PRDM2: variants seen among roughly 807,000 people sequenced by gnomAD.
The protein encoded by PRDM2 is PR/SET domain 2.
A neutral mutation model predicts 130.0 loss-of-function variants in PRDM2; 30 were observed. That is an observed-to-expected ratio of 0.23 (90% CI 0.17 to 0.31). PRDM2 has a LOEUF of 0.31. Among genes scored for constraint, PRDM2 ranks in the 10% least tolerant of loss-of-function variants. PRDM2 has a pLI of 1.00. For synonymous variants in PRDM2, 871 were observed against 782.4 expected (o/e 1.11, Z -1.89); for missense variants, 2,011 against 2,108.4 (o/e 0.95, Z 0.90).
chr1:13,704,146 G>A (rs768387269), intron 1 of PRDM2, among the ~76,000 whole-genome samples: 8 of 152,228 alleles, frequency 5.3e-5, no homozygotes, highest in Non-Finnish European at 1.2e-4. Context: ...AACGTGAAAA[G>A]AGATGTGCTT....
intron 2 of PRDM2, chr1:13,722,707 C>T: frequency 2.7e-6 from 1 of 375,532 alleles, no homozygotes; most frequent in Non-Finnish European, 5.3e-6. Flanking sequence ...CATTCCCATT[C>T]TGTATTAGAA....
intron 8 of PRDM2, among the ~76,000 whole-genome samples, chr1:13,804,959 C>G (rs1645065478): frequency 6.6e-6 from 1 of 152,166 alleles, no homozygotes; most frequent in Non-Finnish European, 1.5e-5. Flanking sequence ...GGGACTGTGT[C>G]AGGGAGTGGG....
chr1:13,819,129 C>A (rs979987321), intron 9 of PRDM2, among the ~76,000 whole-genome samples: 3 of 152,214 alleles, frequency 2.0e-5, no homozygotes, highest in Non-Finnish European at 2.9e-5. Flanking sequence ...GCACCCGGGA[C>A]TTGCTTCCAC....
intron 8 of PRDM2, among the ~76,000 whole-genome samples, chr1:13,790,989 CA>C (rs1644829665): frequency 6.6e-6 from 1 of 152,104 alleles, no homozygotes; most frequent in Admixed American, 6.5e-5. Context: ...AGGTTGGTGT[CA>C]TTTACCGATG....
Position 13,782,282 on chromosome 1 carries a change from A to G in PRDM2, c.4487A>G (p.Lys1496Arg), listed in dbSNP as rs767705434. The G allele has an allele frequency of 9.0e-5, 145 of 1,613,970 alleles. No homozygotes were observed. The highest frequency in any genetic ancestry group is 1.2e-4 in the Admixed American group (7 of 59,984). Residue 1496 changes from lysine to arginine, a missense_variant, in exon 8 of 10, where the codon AAA becomes AGA. By Grantham distance (26) the Lys-to-Arg change is conservative. This residue lies in a region of PRDM2 where 410 missense variants were observed against 395.9 expected (regional missense o/e 1.04). Coordinates refer to ENST00000311066, the MANE Select transcript of PRDM2 (RefSeq NM_001393986.1). ...AAAAAAGTTTCTCATTCATCTAAGA[A>G]AGGTGGACACTCATCACCTGCAAGT... ...PKKKVSHSSK[K>R]GGHSSPASSD...
At position 13,757,390 on chromosome 1, in the gene PRDM2, A is replaced by G. The variant is rs79348578; in HGVS notation, c.511+7903A>G. Reference sequence around the variant, plus strand: ...AGTTTTGAAACCAAAAGAGCACAGTAAGACATTGCTTTTGCCTAACTCCCT... The same window carrying G: ...AGTTTTGAAACCAAAAGAGCACAGTGAGACATTGCTTTTGCCTAACTCCCT... On this transcript the variant is annotated intron_variant, in intron 6 of 9. Transcript: ENST00000311066. 7.9e-5 allele frequency among the ~76,000 whole-genome samples: 12 copies of G among 152,250 alleles called. 1 individual carries two copies. The East Asian group carries it at 1.7e-3, about 22-fold the overall frequency.
chr1:13,750,529 AC>A (rs1018131580), intron 6 of PRDM2, among the ~76,000 whole-genome samples: 3 of 151,976 alleles, frequency 2.0e-5, no homozygotes, highest in African/African-American at 7.3e-5. Flanking sequence ...CATATCGTAA[AC>A]TCGATTTGGG....
intron 5 of PRDM2, among the ~76,000 whole-genome samples, chr1:13,747,716 T>C (rs566608791): frequency 6.7e-6 from 1 of 149,812 alleles, no homozygotes; most frequent in East Asian, 1.9e-4. Context: ...AGAAGGTATG[T>C]TGAAGTGAGG....
intron 8 of PRDM2, among the ~76,000 whole-genome samples, chr1:13,785,668 AC>A (rs1030146871): frequency 2.2e-5 from 2 of 90,724 alleles, no homozygotes; most frequent in African/African-American, 4.4e-5. Context: ...ACAGTGACCC[AC>A]CCCCCACCCC....
intron 1 of PRDM2, among the ~76,000 whole-genome samples, chr1:13,707,664 C>T (rs1057434132): frequency 2.6e-5 from 4 of 152,178 alleles, no homozygotes; most frequent in Non-Finnish European, 5.9e-5. Flanking sequence ...AGAGCAAGCA[C>T]TGATTGGAAA....
intron 8 of PRDM2, among the ~76,000 whole-genome samples, chr1:13,791,641 G>C (rs1644841246): frequency 6.6e-6 from 1 of 152,202 alleles, no homozygotes; most frequent in Admixed American, 6.5e-5. Flanking sequence ...TTAAAGTATA[G>C]GATTAGAACC....
rs1367821202 is a variant in PRDM2 at position 13,824,842 on chromosome 1, T to TG, written c.*1708dup. 1.3e-5 allele frequency: 2 copies of TG among 152,644 alleles called. No homozygotes were observed. Among genetic ancestry groups the TG allele is most frequent in the South Asian group, 2.1e-4 (1 of 4,830 alleles). 9.5% of individuals were successfully genotyped at this position (152,644 alleles called of 1,614,324 possible). A position where few individuals can be genotyped will look rare whatever the true frequency, so the allele number is the denominator to read the frequency against. ...CTGGCAAGTCACCTGCAGCCCATGG[T>TG]GAGCTCTGGGAAGTGTGGTTGAGGC... is the stretch of plus-strand genomic sequence containing the variant. On this transcript the variant is annotated 3_prime_UTR_variant, in exon 10 of 10. Coordinates refer to ENST00000311066, the MANE Select transcript of PRDM2 (RefSeq NM_001393986.1).
chr1:13,808,351 C>T (rs942277250), intron 8 of PRDM2, among the ~76,000 whole-genome samples: 2 of 150,452 alleles, frequency 1.3e-5, no homozygotes, highest in Non-Finnish European at 1.5e-5. Flanking sequence ...ATTAGCCGGG[C>T]GTGGTGGCGG....
rs141070950 is a variant in PRDM2 at position 13,708,268 on chromosome 1, G to A, written c.-65-7273G>A. Among the ~76,000 whole-genome samples the A allele has an allele frequency of 6.6e-5, 10 of 151,914 alleles. No individual in the cohort carries two copies. The East Asian group carries it at 1.9e-3, about 29-fold the overall frequency. On this transcript the variant is annotated intron_variant, in intron 1 of 9. Coordinates refer to ENST00000311066, the MANE Select transcript of PRDM2 (RefSeq NM_001393986.1). The stretch of plus-strand genomic sequence containing the variant: ...GCCACAATCTAAATGCGGATTTATA[G>A]TCCTTTCCTAGCATATCAGCAGGTC...
intron 7 of PRDM2, among the ~76,000 whole-genome samples, chr1:13,773,938 G>A (rs570807995): frequency 2.0e-5 from 3 of 152,212 alleles, no homozygotes; most frequent in South Asian, 4.1e-4. Context: ...ATACATGTAC[G>A]TTTTATACTT....
intron 9 of PRDM2, among the ~76,000 whole-genome samples, chr1:13,817,702 A>T (rs1459799882): frequency 6.6e-6 from 1 of 152,024 alleles, no homozygotes; most frequent in African/African-American, 2.4e-5. Context: ...AAACCCCATT[A>T]AAAAATCCCG....
At chr1:13,749,888 C>T (rs984809959) in intron 6 of PRDM2, among the ~76,000 whole-genome samples, 2 of 152,100 alleles carry the variant, frequency 1.3e-5, no homozygotes, top group African/African-American at 4.8e-5. Flanking sequence ...AGCTTTCTCG[C>T]GGCTAGCTTG....
intron 5 of PRDM2, among the ~76,000 whole-genome samples, chr1:13,743,399 C>CA (rs70984282): frequency 0.01 from 431 of 41,702 alleles, 18 homozygotes; most frequent in Non-Finnish European, 0.012. Flanking sequence ...GACTCTGTCT[C>CA]AAAAAAAAAA....
intron 2 of PRDM2, among the ~76,000 whole-genome samples, chr1:13,724,120 T>A (rs77986549): frequency 0.018 from 2,742 of 152,292 alleles, 64 homozygotes; most frequent in South Asian, 0.12. Flanking sequence ...GGAATACAAA[T>A]GCAAATTGGC....
Sources: allele counts gnomAD v4.1 joint callset (sites outside exome capture counted in the v4.1 genomes callset), GRCh38; gene constraint gnomAD v4.1.1; regional missense constraint gnomAD v4.1.1; transcripts MANE v1.5; gene names NCBI Gene and HGNC (gene_info 2026-07-23, HGNC 2026-07-21).